CRACDL: variants seen among roughly 807,000 people sequenced by gnomAD.
The protein encoded by CRACDL is CRACD-like protein.
Under a neutral mutation model 70.6 loss-of-function variants are expected in CRACDL, and 26 were observed. The observed-to-expected ratio is 0.37, with a 90% CI of 0.27 to 0.51. The LOEUF (loss-of-function observed/expected upper bound fraction) is 0.51. Among genes scored for constraint, CRACDL ranks in the 20% least tolerant of loss-of-function variants. The probability of loss-of-function intolerance (pLI) is 0.94; values close to 1 mark genes in which losing one functional copy is unlikely to be tolerated. For missense variants in CRACDL, 1,283 were observed against 1,376.9 expected (o/e 0.93, Z 1.08); for synonymous variants, 618 against 615.2 (o/e 1.00, Z -0.07).
chr2:98,862,113 G>A (rs1462993816), intron 1 of CRACDL, among the ~76,000 whole-genome samples: 1 of 152,256 alleles, frequency 6.6e-6, no homozygotes, highest in South Asian at 2.1e-4. Context: ...AGATATCAAA[G>A]ACTAGGTCAC....
At chr2:98,911,975 T>C (rs1429004048) in intron 1 of CRACDL, among the ~76,000 whole-genome samples, 1 of 152,174 alleles carries the variant, frequency 6.6e-6, no homozygotes, top group Non-Finnish European at 1.5e-5. Context: ...TTAAATATTT[T>C]ACTGTTCCAT....
intron 1 of CRACDL, among the ~76,000 whole-genome samples, chr2:98,899,081 T>C (rs1163748283): frequency 1.3e-5 from 2 of 152,048 alleles, no homozygotes; most frequent in Non-Finnish European, 1.5e-5. Flanking sequence ...GGGACCTGAA[T>C]ATAAACAAGC....
rs2104467793 is a variant in CRACDL, at chr2:98,822,662, C to T, written c.1611G>A (p.Pro537=). Residue 537 remains proline (P), a synonymous_variant, in exon 7 of 10, where the codon CCG becomes CCA. Transcript: ENST00000397899. This position sits in a 1 kb window ranked among gnomAD's most constrained non-coding sequence, Gnocchi z 4.9. ...CGGCTCGCTCGGCCTTGGGGCGCTCCGGGGCGGCGGCCTCTGCGTCGAGGG... is the reference window on the plus strand; with the variant it reads ...CGGCTCGCTCGGCCTTGGGGCGCTCTGGGGCGGCGGCCTCTGCGTCGAGGG... ...PGSLDAEAAA[P]ERPKAERAEA... 10 of 1,284,590 alleles carry T rather than the reference C, an allele frequency of 7.8e-6. No homozygotes were observed. In the South Asian group the frequency reaches 2.5e-4, roughly 32 times the overall value. The allele number at this position is 1,284,590 out of a possible 1,614,324, so 79.6% of individuals were successfully genotyped here.
intron 4 of CRACDL, 36 bp downstream of exon 4, chr2:98,832,826 T>TTG: frequency 6.2e-7 from 1 of 1,611,790 alleles, no homozygotes. Flanking sequence ...GATATTTGAC[T>TTG]TGCACACCAG....
At chr2:98,852,199 C>CCTAAT (rs1244343390) in intron 1 of CRACDL, among the ~76,000 whole-genome samples, 2 of 152,140 alleles carry the variant, frequency 1.3e-5, no homozygotes, top group Admixed American at 6.5e-5. Context: ...TAAACCCTAT[C>CCTAAT]CTAATTCTTG....
intron 5 of CRACDL, among the ~76,000 whole-genome samples, chr2:98,828,462 C>G (rs1705405725): frequency 6.6e-6 from 1 of 152,170 alleles, no homozygotes; most frequent in Admixed American, 6.5e-5. Flanking sequence ...AGTGCCGTCC[C>G]CAGTGGCGAA....
intron 1 of CRACDL, among the ~76,000 whole-genome samples, chr2:98,913,838 C>T (rs138462252): frequency 2.4e-4 from 37 of 152,206 alleles, no homozygotes; most frequent in African/African-American, 8.7e-4. Context: ...TATGTGAGAG[C>T]CCTGGCAAGG....
intron 1 of CRACDL, among the ~76,000 whole-genome samples, chr2:98,894,278 T>C (rs1708060472): frequency 6.6e-6 from 1 of 152,210 alleles, no homozygotes; most frequent in Non-Finnish European, 1.5e-5. Context: ...ATAAATGATT[T>C]GGCTGCGAAG....
chr2:98,811,388 T>C (rs2104436326), intron 7 of CRACDL, among the ~76,000 whole-genome samples: 1 of 151,724 alleles, frequency 6.6e-6, no homozygotes, highest in South Asian at 2.1e-4. Flanking sequence ...GGTGTGCCTG[T>C]AGTCCCAGCT....
At chr2:98,921,399 G>A (rs1288106525) in intron 1 of CRACDL, among the ~76,000 whole-genome samples, 1 of 152,248 alleles carries the variant, frequency 6.6e-6, no homozygotes, top group Non-Finnish European at 1.5e-5. Flanking sequence ...GGCAAAGGAG[G>A]AAACCAACAC....
chr2:98,867,187 T>C (rs1015885086), intron 1 of CRACDL, among the ~76,000 whole-genome samples: 3 of 152,240 alleles, frequency 2.0e-5, no homozygotes, highest in African/African-American at 7.2e-5. Flanking sequence ...ATAAACAGCA[T>C]AGTTTATAAG....
At chr2:98,905,293 C>G (rs1419968665) in intron 1 of CRACDL, among the ~76,000 whole-genome samples, 2 of 151,622 alleles carry the variant, frequency 1.3e-5, no homozygotes, top group Non-Finnish European at 1.5e-5. Flanking sequence ...ATCTCCCTCT[C>G]TCTTGCTGCC....
At chr2:98,901,550 C>G (rs1708282231) in intron 1 of CRACDL, among the ~76,000 whole-genome samples, 1 of 152,228 alleles carries the variant, frequency 6.6e-6, no homozygotes, top group Non-Finnish European at 1.5e-5. Context: ...GCACAGCCCA[C>G]AGGGCACCTT....
intron 1 of CRACDL, among the ~76,000 whole-genome samples, chr2:98,893,649 T>C (rs1420873856): frequency 6.6e-6 from 1 of 152,200 alleles, no homozygotes; most frequent in African/African-American, 2.4e-5. Flanking sequence ...GGATACACAA[T>C]GGCTTTATCT....
chr2:98,834,024 ATG>A (rs1265828663), intron 3 of CRACDL, among the ~76,000 whole-genome samples: 1 of 152,204 alleles, frequency 6.6e-6, no homozygotes, highest in Non-Finnish European at 1.5e-5. Context: ...GGCTCCCAGG[ATG>A]TGTGTGTCCT....
intron 3 of CRACDL, among the ~76,000 whole-genome samples, chr2:98,837,125 C>T (rs1705824422): frequency 2.7e-5 from 4 of 150,424 alleles, no homozygotes; most frequent in Admixed American, 2.7e-4. Flanking sequence ...ATCCCTTCCA[C>T]ACTTCACATG....
At chr2:98,806,874 T>C (rs1373568877) in intron 7 of CRACDL, among the ~76,000 whole-genome samples, 5 of 152,176 alleles carry the variant, frequency 3.3e-5, no homozygotes, top group African/African-American at 1.2e-4. Flanking sequence ...CTGTCTAGGG[T>C]GGCCAACAGA....
chr2:98,795,976 G>A (rs1331060871), intron 9 of CRACDL, 144 bp downstream of exon 9: 24 of 761,186 alleles, frequency 3.2e-5, no homozygotes, highest in East Asian at 2.7e-4. Context: ...TTTATGACAC[G>A]TAAATTGTAT....
At chr2:98,851,410 T>C (rs1706476669) in intron 1 of CRACDL, among the ~76,000 whole-genome samples, 1 of 152,202 alleles carries the variant, frequency 6.6e-6, no homozygotes, top group Non-Finnish European at 1.5e-5. Context: ...CAGAGAGCTG[T>C]AGAGAGACCC....
Sources: gnomAD v4.1 joint callset for allele counts (sites outside exome capture counted in the v4.1 genomes callset) on GRCh38, gnomAD v4.1.1 for gene constraint, Gnocchi (gnomAD v3.1) non-coding constraint, MANE v1.5 for transcripts, NCBI Gene and HGNC (gene_info 2026-07-23, HGNC 2026-07-21) for gene names.